Variants in MCF2L observed in about 807,000 individuals in gnomAD.
MCF2L encodes guanine nucleotide exchange factor DBS.
MCF2L carries 97 observed loss-of-function variants against 153.4 expected under a neutral mutation model. The observed-to-expected ratio is 0.63, with a 90% CI of 0.54 to 0.75. The LOEUF (loss-of-function observed/expected upper bound fraction) is 0.75, where lower values mean the gene tolerates loss of function less well. Ranked by LOEUF, MCF2L falls within the 30% of genes least tolerant of loss-of-function variation. The pLI, the probability that MCF2L is intolerant of heterozygous loss-of-function variation, is 0.00. For missense variants in MCF2L, 1,347 were observed against 1,495.2 expected, an observed-to-expected ratio of 0.90 and a Z score of 1.64; for synonymous variants, 659 against 632.2, an observed-to-expected ratio of 1.04 and a Z score of -0.64.
Position 113,076,010 on chromosome 13 carries a change from A to G in MCF2L, c.1353A>G (p.Gln451=). The G allele has an allele frequency of 1.2e-6, 2 of 1,613,436 alleles. No individual in the cohort carries two copies. The highest frequency in any genetic ancestry group is 1.3e-5 in the African/African-American group (1 of 75,020). Reference sequence around the variant, plus strand: ...AAGGGATTTACCTGCTGGCCTCACAACCTGTGGACAAGTGCCAGTCCCAGG... The same window carrying G: ...AAGGGATTTACCTGCTGGCCTCACAGCCTGTGGACAAGTGCCAGTCCCAGG... ...CDEGIYLLAS[Q]PVDKCQSQDG... The change falls in exon 12 of 30, where the codon CAA becomes CAG. Residue 451 remains glutamine (Q), a synonymous_variant. Transcript: ENST00000535094.
intron 1 of MCF2L, among the ~76,000 whole-genome samples, chr13:112,978,619 G>A (rs933059773): frequency 2.0e-5 from 3 of 152,358 alleles, no homozygotes; most frequent in Middle Eastern, 3.4e-3. Flanking sequence ...TTCTGGGAGC[G>A]CCTGTGCAGG....
Position 113,045,025 on chromosome 13 carries a change from G to A in MCF2L, c.279-246G>A. The A allele has an allele frequency of 8.0e-7, 1 of 1,246,892 alleles. No homozygotes were observed. The highest frequency in any genetic ancestry group is 1.1e-6 in the Non-Finnish European group (1 of 887,864). 77.2% of individuals were successfully genotyped at this position (1,246,892 alleles called of 1,614,324 possible). A position where few individuals can be genotyped will look rare whatever the true frequency, so the allele number is the denominator to read the frequency against. On this transcript the variant is annotated intron_variant, in intron 3 of 29. Transcript: ENST00000535094. This position sits in a 1 kb window ranked among gnomAD's most constrained non-coding sequence, Gnocchi z 4.2. ...TCTGCCTCAATCTGTGACTCGAGGT[G>A]GTTGGTGTTAGGCTGAGAAATAAGA...
chr13:112,982,122 G>A (rs1416084649), intron 1 of MCF2L, among the ~76,000 whole-genome samples: 1 of 152,194 alleles, frequency 6.6e-6, no homozygotes, highest in East Asian at 1.9e-4. Context: ...GGGCCGACGA[G>A]GGGGACAAAG....
At chr13:113,019,274 A>G (rs11618106) in intron 2 of MCF2L, among the ~76,000 whole-genome samples, 18,082 of 152,200 alleles carry the variant, frequency 0.12, 1,450 homozygotes, top group East Asian at 0.19. Flanking sequence ...CGAAGTGGGG[A>G]AGGACCCCGG....
chr13:113,045,764 T>C lies in MCF2L; in HGVS notation c.369+403T>C. The C allele has an allele frequency of 4.1e-6, 1 of 241,038 alleles. No individual in the cohort carries two copies. The highest frequency in any genetic ancestry group is 8.3e-6 in the Non-Finnish European group (1 of 119,934). The allele number at this position is 241,038 out of a possible 1,614,324, so 14.9% of individuals were successfully genotyped here. On this transcript the variant is annotated intron_variant, in intron 4 of 29. Coordinates refer to ENST00000535094, the MANE Select transcript of MCF2L (RefSeq NM_001112732.3). This position sits in a 1 kb window ranked among gnomAD's most constrained non-coding sequence, Gnocchi z 4.2. ...CTGAACGAGCCACCACCGCCTCCCT[T>C]CCCCAGTGGGATTGAACATGCACTT...
chr13:112,966,613 C>T (rs2081896814), upstream of MCF2L, among the ~76,000 whole-genome samples: 1 of 152,088 alleles, frequency 6.6e-6, no homozygotes, highest in Admixed American at 6.5e-5. The surrounding 1 kb of genome is among the most constrained non-coding windows in gnomAD (Gnocchi z 4.1). Flanking sequence ...GGTCTCCACC[C>T]TGGTGCCCCA....
In MCF2L at chr13:113,075,222, C is replaced by A. The variant is rs762636866; in HGVS notation, c.1308+33C>A. ...GAGCCGGACCCCACCCCACTCCCCC[C>A]CAGCTGCGGAACCAGCCTCTTCCTC... On this transcript the variant is annotated intron_variant, in intron 11 of 29. Coordinates refer to ENST00000535094, the MANE Select transcript of MCF2L (RefSeq NM_001112732.3). 4.5e-6 allele frequency: 7 copies of A among 1,551,218 alleles called. No homozygotes were observed. In the African/African-American group the frequency reaches 5.4e-5, roughly 12 times the overall value.
Position 113,070,221 on chromosome 13 carries a change from C to A in MCF2L, c.996+48C>A. 1.6e-6 allele frequency: 2 copies of A among 1,289,026 alleles called. No individual in the cohort carries two copies. Among genetic ancestry groups the A allele is most frequent in the Non-Finnish European group, 1.1e-6 (1 of 940,364 alleles). The allele number at this position is 1,289,026 out of a possible 1,614,324, so 79.8% of individuals were successfully genotyped here. A position where few individuals can be genotyped will look rare whatever the true frequency, so the allele number is the denominator to read the frequency against. On this transcript the variant is annotated intron_variant, in intron 9 of 29. Coordinates refer to ENST00000535094, the MANE Select transcript of MCF2L (RefSeq NM_001112732.3). This position sits in a 1 kb window ranked among gnomAD's most constrained non-coding sequence, Gnocchi z 5.6. ...GGCAGCCGCCCTGATGCTCACGGGG[C>A]CTCCTGTGCCTGCGCCCTGGTCCCA...
In MCF2L at chr13:113,082,365, C is replaced by T. The variant is rs1025949070; in HGVS notation, c.1876-62C>T. 1.1e-4 allele frequency: 106 copies of T among 977,604 alleles called. No homozygotes were observed. The African/African-American group carries it at 1.4e-3, about 13-fold the overall frequency. The allele number at this position is 977,604 out of a possible 1,614,324, so 60.6% of individuals were successfully genotyped here. On this transcript the variant is annotated intron_variant, in intron 16 of 29. Coordinates refer to ENST00000535094, the MANE Select transcript of MCF2L (RefSeq NM_001112732.3). ...CCACAGATGAGCCGGCATCCCTGGCCCACCTGCCCCCCCACAGCATCAGGC... is the reference window on the plus strand; with the variant it reads ...CCACAGATGAGCCGGCATCCCTGGCTCACCTGCCCCCCCACAGCATCAGGC...
At chr13:112,919,266 C>T (rs1253489176) in intron 2 of MCF2L, among the ~76,000 whole-genome samples, 16 of 129,208 alleles carry the variant, frequency 1.2e-4, no homozygotes, top group African/African-American at 2.7e-4. Flanking sequence ...AGTGCAGTGG[C>T]GGGATCTCGG....
intron 2 of MCF2L, among the ~76,000 whole-genome samples, chr13:112,959,904 A>T (rs949185217): frequency 6.6e-6 from 1 of 152,160 alleles, no homozygotes; most frequent in Admixed American, 6.5e-5. Context: ...TGTCTCCATC[A>T]TGGGAGATGC....
At chr13:113,021,665 A>G (rs1373714337) in intron 2 of MCF2L, among the ~76,000 whole-genome samples, 1 of 152,218 alleles carries the variant, frequency 6.6e-6, no homozygotes, top group African/African-American at 2.4e-5. Flanking sequence ...GGGTCCTGGC[A>G]CTGCCCACCT....
intron 1 of MCF2L, among the ~76,000 whole-genome samples, chr13:113,006,832 C>T (rs907151887): frequency 1.3e-5 from 2 of 152,190 alleles, no homozygotes; most frequent in Admixed American, 6.5e-5. Flanking sequence ...CTCACATGTG[C>T]GGAGGTTTGG....
chr13:113,033,698 C>T (rs1308397042), intron 3 of MCF2L, among the ~76,000 whole-genome samples: 2 of 152,182 alleles, frequency 1.3e-5, no homozygotes, highest in Non-Finnish European at 2.9e-5. Context: ...TCTGGCTGGC[C>T]TGAGGCTGTG....
intron 1 of MCF2L, among the ~76,000 whole-genome samples, chr13:112,980,720 G>A (rs575936426): frequency 4.3e-5 from 5 of 115,156 alleles, no homozygotes; most frequent in East Asian, 2.5e-4. Flanking sequence ...ACTCACTGCC[G>A]GTCAGCTGAG....
In MCF2L at chr13:112,993,756, A is replaced by G. The variant is rs2082990854; in HGVS notation, c.80-21007A>G. On this transcript the variant is annotated intron_variant, in intron 1 of 29. Transcript: ENST00000535094. The surrounding 1 kb of genome is among the most constrained non-coding windows in gnomAD (Gnocchi z 4.6). ...TTAGGTGATCCCATCCCATTTTAGC[A>G]CCAGAAGTGGCTGTGTGAGCTGGGA... Among the ~76,000 whole-genome samples the G allele has an allele frequency of 6.6e-6, 1 of 152,066 alleles. No homozygotes were observed. Among genetic ancestry groups the G allele is most frequent in the Non-Finnish European group, 1.5e-5 (1 of 68,014 alleles).
Position 112,969,313 on chromosome 13 carries a change from C to G in MCF2L, c.-67C>G. 2 of 1,543,478 alleles carry G rather than the reference C, an allele frequency of 1.3e-6. No homozygotes were observed. ...CGCGCCCCCTCCGCACTCGCACGGCCCCACCCGCAGGCGCCCCCCGTGCGG... is the reference window on the plus strand; with the variant it reads ...CGCGCCCCCTCCGCACTCGCACGGCGCCACCCGCAGGCGCCCCCCGTGCGG... On this transcript the variant is annotated 5_prime_UTR_variant, in exon 1 of 30. Transcript: ENST00000535094. This position sits in a 1 kb window ranked among gnomAD's most constrained non-coding sequence, Gnocchi z 4.8.
At chr13:113,038,597 G>A (rs530119123) in intron 3 of MCF2L, among the ~76,000 whole-genome samples, 1 of 152,304 alleles carries the variant, frequency 6.6e-6, no homozygotes, top group South Asian at 2.1e-4. Context: ...ATCGAATGCA[G>A]TTCCCAAATA....
chr13:112,959,366 T>C (rs2140746307), intron 2 of MCF2L, among the ~76,000 whole-genome samples: 1 of 152,200 alleles, frequency 6.6e-6, no homozygotes, highest in African/African-American at 2.4e-5. Context: ...TCGGACATGG[T>C]GTGACATCAG....
Sources: gnomAD v4.1 joint callset for allele counts (sites outside exome capture counted in the v4.1 genomes callset) on GRCh38, gnomAD v4.1.1 for gene constraint, Gnocchi (gnomAD v3.1) non-coding constraint, MANE v1.5 for transcripts, NCBI Gene and HGNC (gene_info 2026-07-23, HGNC 2026-07-21) for gene names.